SLC6A2: variants seen among roughly 807,000 people sequenced by gnomAD.
SLC6A2 encodes the protein solute carrier family 6 member 2, also known as sodium-dependent noradrenaline transporter.
Under a neutral mutation model 71.7 loss-of-function variants are expected in SLC6A2, and 26 were observed. The ratio of observed to expected loss-of-function variants is 0.36; its 90% CI spans 0.27 to 0.50. The LOEUF is 0.50. Among genes scored for constraint, SLC6A2 ranks in the 20% least tolerant of loss-of-function variants. The probability of loss-of-function intolerance (pLI) is 0.96; values close to 1 mark genes in which losing one functional copy is unlikely to be tolerated. For synonymous variants in SLC6A2, 363 were observed against 337.9 expected (o/e 1.07, Z -0.82); for missense variants, 581 against 803.9 (o/e 0.72, Z 3.35).
At chr16:55,688,769 T>G (rs1378754803) in intron 5 of SLC6A2, among the ~76,000 whole-genome samples, 1 of 152,156 alleles carries the variant, frequency 6.6e-6, no homozygotes, top group Non-Finnish European at 1.5e-5. Context: ...GATGCCTGGA[T>G]TCATAGCAAG....
At chr16:55,700,716 C>T (rs913188102) in intron 13 of SLC6A2, among the ~76,000 whole-genome samples, 7 of 152,178 alleles carry the variant, frequency 4.6e-5, no homozygotes, top group Non-Finnish European at 1.0e-4. Context: ...TGATCTGCTC[C>T]TTCTGGTTTT....
chr16:55,681,596 C>T (rs147857069), intron 4 of SLC6A2, among the ~76,000 whole-genome samples: 2 of 152,352 alleles, frequency 1.3e-5, no homozygotes, highest in African/African-American at 4.8e-5. Flanking sequence ...GTGAATGAAA[C>T]AGCATCGCTG....
chr16:55,695,391 TG>T lies in SLC6A2; in HGVS notation c.1138del (p.Ala380ProfsTer7). 1 of 1,614,208 alleles carries T rather than the reference TG, an allele frequency of 6.2e-7. No homozygotes were observed. The highest frequency in any genetic ancestry group is 8.5e-7 in the Non-Finnish European group (1 of 1,180,016). Reference protein sequence around the residue: ...AHEHKVNIEDVATEGAGLVFI... With the variant: ...AHEHKVNIEDXATEGAGLVFI... ...GAACACAAGGTCAACATTGAGGATGTGGCCACAGAAGGTGGGTGGGCAGCCC... is the reference window on the plus strand; with the variant it reads ...GAACACAAGGTCAACATTGAGGATGTGCCACAGAAGGTGGGTGGGCAGCCC... On this transcript the variant is annotated frameshift_variant, in exon 8 of 15. Transcript: ENST00000568943. LOFTEE classifies it high-confidence loss of function.
In SLC6A2 at chr16:55,672,077, C is replaced by T. The variant is rs1431115803; in HGVS notation, c.546C>T (p.Ser182=). The T allele has an allele frequency of 6.2e-7, 1 of 1,614,098 alleles. No individual in the cohort carries two copies. Among genetic ancestry groups the T allele is most frequent in the Admixed American group, 1.7e-5 (1 of 60,010 alleles). ...PWTDCGHTWN[S]PNCTDPKLLN... ...CCGACTGTGGCCACACCTGGAACAG[C>T]CCCAACTGTACCGACCCCAAGCTCC... The change falls in exon 4 of 15, where the codon AGC becomes AGT. Residue 182 remains serine (S), a synonymous_variant. Transcript: ENST00000568943.
chr16:55,694,234 T>C (rs1415683762), intron 7 of SLC6A2, 121 bp downstream of exon 7: 8 of 754,564 alleles, frequency 1.1e-5, no homozygotes, highest in Non-Finnish European at 1.7e-5. Flanking sequence ...TTTCTTCTTG[T>C]GAACCATCCT....
chr16:55,700,344 G>A (rs1307077726), intron 13 of SLC6A2, 38 bp downstream of exon 13: 5 of 1,564,922 alleles, frequency 3.2e-6, no homozygotes, highest in South Asian at 1.1e-5. Flanking sequence ...AGGGTGGGAG[G>A]GGGCTGAGGG....
At chr16:55,682,581 A>G (rs1242155728) in intron 4 of SLC6A2, among the ~76,000 whole-genome samples, 15 of 152,242 alleles carry the variant, frequency 9.9e-5, no homozygotes, top group African/African-American at 3.6e-4. Context: ...ACTGGGGACC[A>G]GGAATGGTTA....
At chr16:55,671,814 C>A in intron 3 of SLC6A2, 124 bp from the exon 4 acceptor site, 1 of 1,519,714 alleles carries the variant, frequency 6.6e-7, no homozygotes, top group Non-Finnish European at 8.8e-7. Flanking sequence ...AGGTTGGGGA[C>A]CGCTGTTCTG....
rs1205568695 is a variant in SLC6A2 at position 55,706,160 on chromosome 16, C to G, written c.*3814C>G. On this transcript the variant is annotated 3_prime_UTR_variant, in exon 15 of 15. Coordinates refer to ENST00000568943, the MANE Select transcript of SLC6A2 (RefSeq NM_001172501.3). ...GTTCTCTTTGTGGAATATAAGTGTA[C>G]AGAATAATAAATAATGTTTCCTGGG... is the stretch of plus-strand genomic sequence containing the variant. The G allele has an allele frequency of 6.6e-6, 1 of 152,170 alleles. No homozygotes were observed. Among genetic ancestry groups the G allele is most frequent in the African/African-American group, 2.4e-5 (1 of 41,430 alleles). 9.4% of individuals were successfully genotyped at this position (152,170 alleles called of 1,614,324 possible). A position where few individuals can be genotyped will look rare whatever the true frequency, so the allele number is the denominator to read the frequency against.
Position 55,700,202 on chromosome 16 carries a change from C to A in SLC6A2, c.1654C>A (p.Pro552Thr), listed in dbSNP as rs965020861. 6.2e-7 allele frequency: 1 copy of A among 1,614,126 alleles called. No homozygotes were observed. The highest frequency in any genetic ancestry group is 1.7e-5 in the Admixed American group (1 of 60,020). Residue 552 changes from proline to threonine, a missense_variant, in exon 13 of 15, where the codon CCC (proline) becomes ACC (threonine). Transcript: ENST00000568943. ...CACCTACGACGACTACATCTTCCCG[C>A]CCTGGGCCAACTGGGTGGGGTGGGG... ...PLTYDDYIFPPWANWVGWGIA... is the reference protein window; with the variant it reads ...PLTYDDYIFPTWANWVGWGIA...
rs1258836235 is a variant in SLC6A2 at position 55,701,605 on chromosome 16, T to C, written c.1759-258T>C. On this transcript the variant is annotated intron_variant, in intron 13 of 14. Transcript: ENST00000568943. ...TCCCCCAAAGTAGAGACTGTGTGGG[T>C]CTCCTTCAAGTCTGGATCCACAGGG... 3.3e-5 allele frequency among the ~76,000 whole-genome samples: 5 copies of C among 152,134 alleles called. No individual in the cohort carries two copies. In the East Asian group the frequency reaches 9.6e-4, roughly 29 times the overall value.
At position 55,705,233 on chromosome 16, in the gene SLC6A2, GAGA is replaced by G. The variant is rs1351182650; in HGVS notation, c.*2890_*2892del. ...CATTCTAGATGAAAACGAGACAAGG[GAGA>G]AGGAGAGCTACCAACTCTTGCCAGA... On this transcript the variant is annotated 3_prime_UTR_variant, in exon 15 of 15. Coordinates refer to ENST00000568943, the MANE Select transcript of SLC6A2 (RefSeq NM_001172501.3). 3.3e-6 allele frequency: 5 copies of G among 1,536,210 alleles called. No homozygotes were observed. Among genetic ancestry groups the G allele is most frequent in the Middle Eastern group, 1.7e-4 (1 of 6,018 alleles).
intron 3 of SLC6A2, 34 bp downstream of exon 3, chr16:55,669,730 C>A (rs927711787): frequency 1.9e-6 from 3 of 1,613,048 alleles, no homozygotes; most frequent in Non-Finnish European, 2.5e-6. Context: ...CACGGTTGTT[C>A]ATAAAGGCTT....
In SLC6A2 at chr16:55,704,274, C is replaced by G. The variant is rs1966055506; in HGVS notation, c.*1928C>G. 2 of 152,162 alleles carry G rather than the reference C, an allele frequency of 1.3e-5. No individual in the cohort carries two copies. The highest frequency in any genetic ancestry group is 4.8e-5 in the African/African-American group (2 of 41,430). The allele number at this position is 152,162 out of a possible 1,614,324, so 9.4% of individuals were successfully genotyped here. A position where few individuals can be genotyped will look rare whatever the true frequency, so the allele number is the denominator to read the frequency against. On this transcript the variant is annotated 3_prime_UTR_variant, in exon 15 of 15. Coordinates refer to ENST00000568943, the MANE Select transcript of SLC6A2 (RefSeq NM_001172501.3). Reference sequence around the variant, plus strand: ...GCTATAGCTTCTATCTCCCCATTTCCCAGGTGAGAGAACCAAGGCCCAGCA... The same window carrying G: ...GCTATAGCTTCTATCTCCCCATTTCGCAGGTGAGAGAACCAAGGCCCAGCA...
Position 55,671,933 on chromosome 16 carries a change from C to A in SLC6A2, c.407-5C>A. ...ACTCCTACCTTACCCCCTGTCCCTG[C>A]CCAGGCGTTGGCTATGCTGTCATCC... On this transcript the variant is annotated splice_polypyrimidine_tract_variant and splice_region_variant and intron_variant, in intron 3 of 14. Transcript: ENST00000568943. 6.2e-7 allele frequency: 1 copy of A among 1,614,086 alleles called. No homozygotes were observed.
chr16:55,691,244 A>G (rs1375693613), intron 5 of SLC6A2, among the ~76,000 whole-genome samples: 5 of 92,080 alleles, frequency 5.4e-5, no homozygotes, highest in African/African-American at 2.6e-4. Context: ...AGAGAGAGAG[A>G]GAGAGAGAGA....
At position 55,699,643 on chromosome 16, in the gene SLC6A2, G is replaced by A. The variant is rs1278609213; in HGVS notation, c.1579G>A (p.Ala527Thr). The A allele has an allele frequency of 6.2e-7, 1 of 1,612,330 alleles. No homozygotes were observed. The highest frequency in any genetic ancestry group is 1.1e-5 in the South Asian group (1 of 91,022). The change falls in exon 12 of 15, where the codon GCC (alanine) becomes ACC (threonine). Residue 527 changes from alanine (A) to threonine (T), a missense_variant. Physicochemically the swap from Ala to Thr is moderately conservative, Grantham distance 58. This residue lies in a region of SLC6A2 where 334 missense variants were observed against 449.0 expected (regional missense o/e 0.74). Transcript: ENST00000568943. Reference sequence around the variant, plus strand: ...ACTGTGCTGGAAGTTCGTCAGTCCTGCCTTCCTCCTGGTGTGTAGTGTCTG... The same window carrying A: ...ACTGTGCTGGAAGTTCGTCAGTCCTACCTTCCTCCTGGTGTGTAGTGTCTG... Reference protein sequence around the residue: ...WRLCWKFVSPAFLLFVVVVSI... With the variant: ...WRLCWKFVSPTFLLFVVVVSI...
intron 2 of SLC6A2, among the ~76,000 whole-genome samples, chr16:55,667,242 C>T (rs1385305663): frequency 2.6e-5 from 4 of 152,174 alleles, no homozygotes; most frequent in African/African-American, 9.7e-5. Context: ...CTTGCCCTGG[C>T]TCTAGATCCT....
intron 6 of SLC6A2, 43 bp from the exon 7 acceptor site, chr16:55,693,967 T>G: frequency 7.9e-7 from 1 of 1,258,968 alleles, no homozygotes; most frequent in Non-Finnish European, 1.2e-6. Flanking sequence ...TGTTCCAGTG[T>G]TGTAGGAAGC....
Sources: allele counts gnomAD v4.1 joint callset (sites outside exome capture counted in the v4.1 genomes callset), GRCh38; gene constraint gnomAD v4.1.1; regional missense constraint gnomAD v4.1.1; transcripts MANE v1.5; gene names NCBI Gene and HGNC (gene_info 2026-07-23, HGNC 2026-07-21).